Variants in DNAH6 observed in about 807,000 individuals in gnomAD.
The protein encoded by DNAH6 is axonemal beta dynein heavy chain 6.
DNAH6 carries 340 observed loss-of-function variants against 491.4 expected under a neutral mutation model. The ratio of observed to expected loss-of-function variants is 0.69; its 90% CI spans 0.63 to 0.76. DNAH6 has a LOEUF of 0.76. Ranked by LOEUF, DNAH6 falls within the 30% of genes least tolerant of loss-of-function variation. The pLI, the probability that DNAH6 is intolerant of heterozygous loss-of-function variation, is 0.00. For missense variants in DNAH6, 4,443 were observed against 4,972.2 expected, an observed-to-expected ratio of 0.89 and a Z score of 3.20; for synonymous variants, 1,603 against 1,686.1, an observed-to-expected ratio of 0.95 and a Z score of 1.21.
upstream of DNAH6, among the ~76,000 whole-genome samples, chr2:84,511,655 C>T (rs540720671): frequency 1.3e-5 from 2 of 152,362 alleles, no homozygotes; most frequent in East Asian, 3.9e-4. Context: ...CACCTGTCTT[C>T]TGTATCGCTC....
At chr2:84,500,822 G>C in the DNAH6 span, among the ~76,000 whole-genome samples, 1 of 152,124 alleles carries the variant, frequency 6.6e-6, no homozygotes, top group South Asian at 2.1e-4. Flanking sequence ...TTCTTTTTCA[G>C]ATTGTTCACT....
chr2:84,669,152 A>G, intron 37 of DNAH6, 137 bp from the exon 38 acceptor site: 1 of 658,262 alleles, frequency 1.5e-6, no homozygotes, highest in South Asian at 1.9e-5. Flanking sequence ...CTAAATAACT[A>G]TGTATCTACA....
intron 4 of DNAH6, among the ~76,000 whole-genome samples, chr2:84,538,320 A>G (rs1677898314): frequency 6.6e-6 from 1 of 152,192 alleles, no homozygotes; most frequent in African/African-American, 2.4e-5. Flanking sequence ...AAATTGAGGT[A>G]TAGATTAAAG....
At chr2:84,662,324 A>C (rs961949016) in intron 37 of DNAH6, among the ~76,000 whole-genome samples, 1 of 151,998 alleles carries the variant, frequency 6.6e-6, no homozygotes, top group Non-Finnish European at 1.5e-5. Flanking sequence ...CCCAGGAAGC[A>C]CAAGGGGTTG....
chr2:84,685,578 A>G (rs1694185604), intron 43 of DNAH6, 106 bp downstream of exon 43: 3 of 591,648 alleles, frequency 5.1e-6, no homozygotes, highest in Admixed American at 3.9e-5. Context: ...TTTATGAGTA[A>G]AAGTTATTTT....
chr2:84,622,910 G>A (rs1352142706), intron 26 of DNAH6, among the ~76,000 whole-genome samples: 1 of 151,984 alleles, frequency 6.6e-6, no homozygotes, highest in African/African-American at 2.4e-5. Context: ...TTTTTGATTT[G>A]CATTTCCCTT....
chr2:84,498,397 G>A, the DNAH6 span, among the ~76,000 whole-genome samples: 2 of 152,130 alleles, frequency 1.3e-5, no homozygotes, highest in Admixed American at 6.5e-5. Context: ...AGGCTTCTTG[G>A]TGTGCATAAA....
At chr2:84,509,181 C>T in the DNAH6 span, among the ~76,000 whole-genome samples, 1 of 152,124 alleles carries the variant, frequency 6.6e-6, no homozygotes, top group Non-Finnish European at 1.5e-5. Context: ...TAAAGTCTCC[C>T]TTTATTATTG....
intron 2 of DNAH6, among the ~76,000 whole-genome samples, chr2:84,525,125 C>T (rs1331247293): frequency 6.6e-6 from 1 of 151,922 alleles, no homozygotes; most frequent in Non-Finnish European, 1.5e-5. Flanking sequence ...AGTTGAATAG[C>T]CTAAGATAAT....
intron 11 of DNAH6, among the ~76,000 whole-genome samples, chr2:84,568,315 C>A (rs1261068097): frequency 1.3e-5 from 2 of 152,120 alleles, no homozygotes; most frequent in African/African-American, 4.8e-5. Flanking sequence ...GACATGGAAT[C>A]AATCCAAATG....
At chr2:84,660,831 G>T (rs1224463894) in intron 37 of DNAH6, among the ~76,000 whole-genome samples, 2 of 152,024 alleles carry the variant, frequency 1.3e-5, no homozygotes, top group Non-Finnish European at 2.9e-5. Flanking sequence ...AAATAAACTG[G>T]ACTATATTCT....
chr2:84,669,367 C>T lies in DNAH6; in HGVS notation c.6163C>T (p.Pro2055Ser), dbSNP rs1343632601. The T allele has an allele frequency of 6.5e-7, 1 of 1,546,832 alleles. No homozygotes were observed. Among genetic ancestry groups the T allele is most frequent in the East Asian group, 2.4e-5 (1 of 40,928 alleles). The stretch of plus-strand genomic sequence containing the variant: ...GCTGGATCCCTGGGAACGAATCATA[C>T]CTACTTTCAAATACAACCGAGATGT... The part of the protein sequence containing the change: ...KRLDPWERII[P>S]TFKYNRDVPF... Residue 2055 changes from proline to serine, a missense_variant, in exon 38 of 77, where the codon CCT becomes TCT. Pro to Ser is a moderately conservative substitution (Grantham distance 74). Around this residue, in one of 3 missense-constraint regions of DNAH6, gnomAD observed 2,977 missense variants for 3,296.6 expected, o/e 0.90. Coordinates refer to ENST00000389394, the MANE Select transcript of DNAH6 (RefSeq NM_001370.2).
intron 63 of DNAH6, 92 bp downstream of exon 63, chr2:84,745,341 A>T (rs971141032): frequency 9.7e-7 from 1 of 1,032,430 alleles, no homozygotes; most frequent in African/African-American, 1.7e-5. Flanking sequence ...TTTGAGAGTA[A>T]CAATGGCCAA....
At chr2:84,520,228 A>G (rs1233508335) in intron 2 of DNAH6, among the ~76,000 whole-genome samples, 2 of 152,044 alleles carry the variant, frequency 1.3e-5, no homozygotes, top group East Asian at 1.9e-4. Flanking sequence ...TTAACATACA[A>G]TTTTACTTAA....
At chr2:84,775,114 C>T (rs1430545623) in intron 64 of DNAH6, among the ~76,000 whole-genome samples, 1 of 152,088 alleles carries the variant, frequency 6.6e-6, no homozygotes, top group Non-Finnish European at 1.5e-5. Context: ...CCAGCTTTTT[C>T]CCATTCAGTA....
Position 84,610,156 on chromosome 2 carries a change from A to G in DNAH6, c.3295-1518A>G, listed in dbSNP as rs144876745. ...TGGAATTCTTGGGCTAAGGGCTTCA[A>G]TCTCTTGCTGGCACTCAGCTAGAGG... On this transcript the variant is annotated intron_variant, in intron 21 of 76. Transcript: ENST00000389394. 4.4e-4 allele frequency among the ~76,000 whole-genome samples: 67 copies of G among 152,208 alleles called. 1 individual carries two copies. Among genetic ancestry groups the G allele is most frequent in the African/African-American group, 1.4e-3 (57 of 41,552 alleles).
chr2:84,615,336 T>C (rs549795977), intron 22 of DNAH6, among the ~76,000 whole-genome samples: 4 of 152,072 alleles, frequency 2.6e-5, no homozygotes, highest in Non-Finnish European at 4.4e-5. Flanking sequence ...CAAAGATCAG[T>C]TGGCTATAAG....
chr2:84,799,052 A>G (rs1678627987), intron 70 of DNAH6, among the ~76,000 whole-genome samples: 1 of 150,928 alleles, frequency 6.6e-6, no homozygotes, highest in Non-Finnish European at 1.5e-5. Context: ...CAGTGGCACA[A>G]TCTCAGCTCA....
chr2:84,740,016 T>C (rs998206967), intron 62 of DNAH6, among the ~76,000 whole-genome samples: 4 of 146,830 alleles, frequency 2.7e-5, no homozygotes, highest in African/African-American at 7.4e-5. Flanking sequence ...ATACTTCTCT[T>C]TTTTTTTTTT....
Sources: gnomAD v4.1 joint callset for allele counts (sites outside exome capture counted in the v4.1 genomes callset) on GRCh38, gnomAD v4.1.1 for gene constraint, gnomAD v4.1.1 regional missense constraint, MANE v1.5 for transcripts, NCBI Gene and HGNC (gene_info 2026-07-23, HGNC 2026-07-21) for gene names.